NXPE2: variants seen among roughly 807,000 people sequenced by gnomAD.
NXPE2 encodes the protein NXPE family member 2.
NXPE2 carries 34 observed loss-of-function variants against 34.4 expected under a neutral mutation model. The ratio of observed to expected loss-of-function variants is 0.99; its 90% confidence interval spans 0.75 to 1.31. The LOEUF is 1.31. NXPE2 is among the 40% of genes most tolerant of loss of function. The pLI is 0.00. For synonymous variants in NXPE2, 235 were observed against 231.3 expected, an observed-to-expected ratio of 1.02 and a Z score of -0.15; for missense variants, 649 against 672.5, an observed-to-expected ratio of 0.97 and a Z score of 0.39.
At chr11:114,489,546 G>T in the NXPE2 span, among the ~76,000 whole-genome samples, 1 of 152,154 alleles carries the variant, frequency 6.6e-6, no homozygotes, top group African/African-American at 2.4e-5. Context: ...TGCAAGGCTG[G>T]TTCAACATAT....
At chr11:114,569,569 C>G in the NXPE2 span, among the ~76,000 whole-genome samples, 1 of 152,150 alleles carries the variant, frequency 6.6e-6, no homozygotes, top group African/African-American at 2.4e-5. Context: ...ACTCCTGCCC[C>G]TCAAGGTAGT....
the NXPE2 span, among the ~76,000 whole-genome samples, chr11:114,496,363 G>T: frequency 6.6e-6 from 1 of 152,116 alleles, no homozygotes; most frequent in Admixed American, 6.5e-5. Context: ...TTCCCTCTAT[G>T]CCATGCCACT....
At chr11:114,647,995 C>T in the NXPE2 span, among the ~76,000 whole-genome samples, 3 of 152,100 alleles carry the variant, frequency 2.0e-5, no homozygotes, top group Non-Finnish European at 4.4e-5. Context: ...CCACTGTTGC[C>T]GGCCGACTTA....
chr11:114,795,695 G>T, the NXPE2 span, among the ~76,000 whole-genome samples: 2 of 152,182 alleles, frequency 1.3e-5, no homozygotes, highest in African/African-American at 4.8e-5. Flanking sequence ...CAGTTAGGAT[G>T]GTGCCCTTGC....
the NXPE2 span, among the ~76,000 whole-genome samples, chr11:114,628,157 G>A: frequency 2.1e-5 from 3 of 143,934 alleles, no homozygotes; most frequent in African/African-American, 8.1e-5. Context: ...ACTCAGCTCT[G>A]CACCAAGTGG....
At chr11:114,639,999 A>G in the NXPE2 span, among the ~76,000 whole-genome samples, 2 of 119,192 alleles carry the variant, frequency 1.7e-5, no homozygotes, top group Non-Finnish European at 3.2e-5. Context: ...AATGTTATAT[A>G]ATGTAATAAT....
the NXPE2 span, chr11:114,594,892 C>T: frequency 6.9e-6 from 4 of 583,500 alleles, no homozygotes; most frequent in Non-Finnish European, 1.2e-5. Flanking sequence ...ATAAATAACT[C>T]CCAGAAATAA....
At chr11:114,764,618 G>C in the NXPE2 span, among the ~76,000 whole-genome samples, 21 of 152,210 alleles carry the variant, frequency 1.4e-4, no homozygotes, top group African/African-American at 5.1e-4. Flanking sequence ...GTTGAGAAAA[G>C]TATGTTTTGA....
the NXPE2 span, among the ~76,000 whole-genome samples, chr11:114,614,185 A>T: frequency 7.0e-6 from 1 of 142,754 alleles, no homozygotes; most frequent in Non-Finnish European, 1.5e-5. Context: ...AATAAGAGGG[A>T]TATTATCCAC....
the NXPE2 span, among the ~76,000 whole-genome samples, chr11:114,620,067 G>A: frequency 1.3e-5 from 2 of 151,878 alleles, no homozygotes; most frequent in African/African-American, 4.8e-5. Context: ...CTGTTACCTG[G>A]TGTATAATAA....
At chr11:114,582,696 C>T in the NXPE2 span, 1,570 of 1,614,130 alleles carry the variant, frequency 9.7e-4, 9 homozygotes, top group African/African-American at 0.015. Context: ...GGAAGACATC[C>T]TGGCCCTCAG....
the NXPE2 span, among the ~76,000 whole-genome samples, chr11:114,623,065 G>T: frequency 3.3e-5 from 5 of 152,166 alleles, no homozygotes; most frequent in Non-Finnish European, 7.4e-5. Context: ...TGCCTTGAGG[G>T]TAACCACTGT....
At chr11:114,619,948 A>G in the NXPE2 span, among the ~76,000 whole-genome samples, 1 of 151,936 alleles carries the variant, frequency 6.6e-6, no homozygotes, top group Non-Finnish European at 1.5e-5. Context: ...CCGGTGGATA[A>G]TAAGTGTTGC....
At chr11:114,796,163 T>TAAA in the NXPE2 span, among the ~76,000 whole-genome samples, 1 of 152,198 alleles carries the variant, frequency 6.6e-6, no homozygotes. Context: ...AAAAATAACA[T>TAAA]AAAAGCTTTT....
the NXPE2 span, among the ~76,000 whole-genome samples, chr11:114,536,625 A>G: frequency 6.6e-6 from 1 of 152,338 alleles, no homozygotes; most frequent in South Asian, 2.1e-4. Context: ...ACAGAAATAC[A>G]AACTACCATC....
downstream of NXPE2, among the ~76,000 whole-genome samples, chr11:114,708,916 T>C (rs1255325530): frequency 2.0e-5 from 3 of 152,244 alleles, no homozygotes; most frequent in Non-Finnish European, 4.4e-5. Flanking sequence ...CTAGTTTTCT[T>C]ACCTTCTCTT....
chr11:114,723,486 A>T, the NXPE2 span, among the ~76,000 whole-genome samples: 3 of 152,216 alleles, frequency 2.0e-5, no homozygotes, highest in African/African-American at 7.2e-5. Flanking sequence ...AGGTTAAGTC[A>T]TATGGCAAAA....
the NXPE2 span, among the ~76,000 whole-genome samples, chr11:114,601,726 ATATAT>A: frequency 1.4e-5 from 1 of 70,770 alleles, no homozygotes; most frequent in Non-Finnish European, 2.4e-5. Context: ...TATTATAATT[ATATAT>A]TATATATAAT....
At chr11:114,738,858 C>T in the NXPE2 span, among the ~76,000 whole-genome samples, 1 of 152,142 alleles carries the variant, frequency 6.6e-6, no homozygotes, top group Non-Finnish European at 1.5e-5. Flanking sequence ...AGTCCCTACA[C>T]ATGCCCATTA....
Sources: gnomAD v4.1 joint callset for allele counts (sites outside exome capture counted in the v4.1 genomes callset) on GRCh38, gnomAD v4.1.1 for gene constraint, MANE v1.5 for transcripts, NCBI Gene and HGNC (gene_info 2026-07-23, HGNC 2026-07-21) for gene names.